KIAA1217: variants seen among roughly 807,000 people sequenced by gnomAD.
The protein encoded by KIAA1217 is sickle tail protein homolog.
In KIAA1217, 88 loss-of-function variants were observed where a neutral mutation model predicts 163.9. The observed-to-expected ratio is 0.54, with a 90% CI of 0.45 to 0.64. The LOEUF (loss-of-function observed/expected upper bound fraction) is 0.64, where lower values mean the gene tolerates loss of function less well. KIAA1217 is among the 30% of genes least tolerant of loss of function. The pLI is 0.00. For synonymous variants in KIAA1217, 903 were observed against 923.1 expected, an observed-to-expected ratio of 0.98 and a Z score of 0.39; for missense variants, 2,372 against 2,475.0, an observed-to-expected ratio of 0.96 and a Z score of 0.88.
At chr10:24,065,637 T>C (rs1435554140) in intron 2 of KIAA1217, among the ~76,000 whole-genome samples, 1 of 152,038 alleles carries the variant, frequency 6.6e-6, no homozygotes, top group Non-Finnish European at 1.5e-5. Flanking sequence ...GGGTGGAGAG[T>C]TCTGTAGATG....
At chr10:24,184,665 G>A (rs981494792) in intron 2 of KIAA1217, among the ~76,000 whole-genome samples, 4 of 152,180 alleles carry the variant, frequency 2.6e-5, no homozygotes, top group Non-Finnish European at 5.9e-5. Flanking sequence ...TCCAGCCCAT[G>A]GGGAGGTCAC....
At chr10:24,304,494 C>T (rs1179434060) in intron 2 of KIAA1217, among the ~76,000 whole-genome samples, 1 of 152,068 alleles carries the variant, frequency 6.6e-6, no homozygotes, top group African/African-American at 2.4e-5. Context: ...CATGTACCAC[C>T]ACATCCAACT....
chr10:23,890,105 G>A (rs1258178175), intron 1 of KIAA1217, among the ~76,000 whole-genome samples: 1 of 151,674 alleles, frequency 6.6e-6, no homozygotes, highest in Admixed American at 6.6e-5. Context: ...TTCTTAGTGG[G>A]AAGATTTTTG....
rs76817281 is a variant in KIAA1217 at position 24,414,836 on chromosome 10, G to A, written c.554-18159G>A. Among the ~76,000 whole-genome samples the A allele has an allele frequency of 9.8e-3, 1,496 of 152,274 alleles. 22 individuals are homozygous for A. The highest frequency in any genetic ancestry group is 0.025 in the African/African-American group (1,041 of 41,550). On this transcript the variant is annotated intron_variant, in intron 3 of 20. Coordinates refer to ENST00000376454, the MANE Select transcript of KIAA1217 (RefSeq NM_019590.5). ...ACAGAAGTGACTCTTAAAAGGCAGC[G>A]CCAGAACTTCAAAAGGAAATGTCTA...
At chr10:24,524,941 G>A (rs2071861222) in intron 13 of KIAA1217, among the ~76,000 whole-genome samples, 177 bp downstream of exon 13, 3 of 152,012 alleles carry the variant, frequency 2.0e-5, no homozygotes, top group Non-Finnish European at 4.4e-5. Context: ...TGGTTTCAGA[G>A]AAGGGTGAGA....
intron 2 of KIAA1217, among the ~76,000 whole-genome samples, chr10:24,331,064 C>T (rs933707937): frequency 6.6e-6 from 1 of 152,146 alleles, no homozygotes; most frequent in African/African-American, 2.4e-5. Flanking sequence ...CCACCTCGGT[C>T]TCCCAGGTAG....
In KIAA1217 at chr10:24,287,302, C is replaced by T. The variant is rs140357032; in HGVS notation, c.354+67393C>T. Among the ~76,000 whole-genome samples the T allele has an allele frequency of 9.5e-3, 1,442 of 152,292 alleles. 26 individuals carry two copies. Among genetic ancestry groups the T allele is most frequent in the East Asian group, 0.083 (430 of 5,168 alleles). On this transcript the variant is annotated intron_variant, in intron 2 of 20. Coordinates refer to ENST00000376454, the MANE Select transcript of KIAA1217 (RefSeq NM_019590.5). ...CTGACCTCAAGTGATCCACCCGCCT[C>T]GGCCTCCCAAAGTGCTGGGGTTACG...
intron 1 of KIAA1217, among the ~76,000 whole-genome samples, chr10:24,005,544 A>G (rs1846955640): frequency 6.6e-6 from 1 of 152,154 alleles, no homozygotes; most frequent in Admixed American, 6.6e-5. Context: ...CTGGGTTCAA[A>G]TCCTGAGTCT....
chr10:23,785,962 G>T (rs1216842439), intron 1 of KIAA1217, among the ~76,000 whole-genome samples: 1 of 152,084 alleles, frequency 6.6e-6, no homozygotes, highest in East Asian at 1.9e-4. Context: ...CCAATGCTGG[G>T]CAGACAAGTA....
chr10:23,759,983 C>G (rs900923817), intron 1 of KIAA1217, among the ~76,000 whole-genome samples: 1 of 152,152 alleles, frequency 6.6e-6, no homozygotes, highest in Admixed American at 6.5e-5. Context: ...CCAATTAGTT[C>G]ATTTTTTCTA....
At chr10:23,969,943 G>A (rs1466551355) in intron 1 of KIAA1217, among the ~76,000 whole-genome samples, 2 of 152,158 alleles carry the variant, frequency 1.3e-5, no homozygotes, top group East Asian at 1.9e-4. Context: ...GCAAGAGAGA[G>A]AATGAAAGCC....
intron 6 of KIAA1217, among the ~76,000 whole-genome samples, chr10:24,478,042 A>G (rs2064234113): frequency 6.6e-6 from 1 of 152,228 alleles, no homozygotes; most frequent in Non-Finnish European, 1.5e-5. Flanking sequence ...GTCTCAAGTG[A>G]CATTTTACAT....
intron 1 of KIAA1217, among the ~76,000 whole-genome samples, chr10:23,849,956 C>T (rs776100993): frequency 6.6e-6 from 1 of 152,094 alleles, no homozygotes; most frequent in Non-Finnish European, 1.5e-5. Context: ...ACTTTCTAAC[C>T]TGAATAGCCT....
intron 1 of KIAA1217, among the ~76,000 whole-genome samples, chr10:23,946,065 GT>G (rs1844026790): frequency 6.6e-6 from 1 of 151,944 alleles, no homozygotes; most frequent in South Asian, 2.1e-4. Flanking sequence ...AATAGTTATG[GT>G]TTTTGCCATT....
intron 2 of KIAA1217, among the ~76,000 whole-genome samples, chr10:24,363,457 G>T (rs2050291461): frequency 6.6e-6 from 1 of 151,988 alleles, no homozygotes; most frequent in Admixed American, 6.5e-5. Flanking sequence ...AATAATAAAT[G>T]CTCTTCTGTT....
rs1564496335 is a variant in KIAA1217 at position 24,337,620 on chromosome 10, CTTTTCTTTTCTT to C, written c.355-43246_355-43235del. Among the ~76,000 whole-genome samples the C allele has an allele frequency of 4.8e-5, 3 of 63,084 alleles. No homozygotes were observed. The East Asian group carries it at 2.0e-3, about 42-fold the overall frequency. 41.4% of individuals were successfully genotyped at this position (63,084 alleles called of 152,430 possible). On this transcript the variant is annotated intron_variant, in intron 2 of 20. Transcript: ENST00000376454. ...CTTTTCTTTTCTTTTCTTTTCTTTTCTTTTCTTTTCTTTTCTTTTCTTTTCTTTTCTTTTTTT... is the reference window on the plus strand; with the variant it reads ...CTTTTCTTTTCTTTTCTTTTCTTTTCTTCTTTTCTTTTCTTTTCTTTTTTT...
intron 8 of KIAA1217, 75 bp from the exon 9 acceptor site, chr10:24,501,304 C>A: frequency 3.6e-6 from 5 of 1,371,196 alleles, no homozygotes; most frequent in Admixed American, 2.1e-5. Context: ...TACCAGTCAT[C>A]TGCATTGGGA....
chr10:24,150,079 G>A (rs143159051), intron 2 of KIAA1217, among the ~76,000 whole-genome samples: 1,902 of 152,042 alleles, frequency 0.013, 37 homozygotes, highest in African/African-American at 0.044. Context: ...GTGCAATGGC[G>A]CGATCTCAGC....
At chr10:23,766,456 T>G (rs1834518987) in intron 1 of KIAA1217, among the ~76,000 whole-genome samples, 1 of 152,228 alleles carries the variant, frequency 6.6e-6, no homozygotes, top group South Asian at 2.1e-4. Context: ...TAACAAATAT[T>G]TAGGTTTACA....
Sources: gnomAD v4.1 joint callset for allele counts (sites outside exome capture counted in the v4.1 genomes callset) on GRCh38, gnomAD v4.1.1 for gene constraint, MANE v1.5 for transcripts, NCBI Gene and HGNC (gene_info 2026-07-23, HGNC 2026-07-21) for gene names.